PAK2: variants seen among roughly 807,000 people sequenced by gnomAD.
PAK2 encodes serine/threonine-protein kinase PAK 2.
Under a neutral mutation model 65.9 loss-of-function variants are expected in PAK2, and 21 were observed. The observed-to-expected ratio is 0.32, with a 90% confidence interval of 0.23 to 0.46. PAK2 has a LOEUF of 0.46. Among genes scored for constraint, PAK2 ranks in the 20% least tolerant of loss-of-function variants. The probability of loss-of-function intolerance (pLI) is 1.00; values close to 1 mark genes in which losing one functional copy is unlikely to be tolerated. For missense variants in PAK2, 324 were observed against 642.6 expected, an observed-to-expected ratio of 0.50 and a Z score of 5.36; for synonymous variants, 204 against 219.7, an observed-to-expected ratio of 0.93 and a Z score of 0.63.
At chr3:196,811,712 T>C (rs1309694262) in intron 8 of PAK2, among the ~76,000 whole-genome samples, 4 of 152,024 alleles carry the variant, frequency 2.6e-5, no homozygotes, top group African/African-American at 9.7e-5. Context: ...CAGAATAATA[T>C]GTGAAATGAA....
chr3:196,789,088 GT>G (rs369722236), intron 2 of PAK2, among the ~76,000 whole-genome samples: 3 of 152,324 alleles, frequency 2.0e-5, no homozygotes, highest in African/African-American at 7.2e-5. Flanking sequence ...TAGAAAAAAG[GT>G]TTTGTTCGAA....
At chr3:196,789,466 A>C (rs935204114) in intron 2 of PAK2, among the ~76,000 whole-genome samples, 1 of 135,918 alleles carries the variant, frequency 7.4e-6, no homozygotes, top group Non-Finnish European at 1.6e-5. Context: ...TTCATGGAAA[A>C]CAATTTTTCT....
At position 196,777,973 on chromosome 3, in the gene PAK2, C is replaced by G. The variant is rs776879556; in HGVS notation, c.-21-4653C>G. Among the ~76,000 whole-genome samples the G allele has an allele frequency of 5.3e-5, 8 of 152,206 alleles. No individual in the cohort carries two copies. In the East Asian group the frequency reaches 1.3e-3, roughly 26 times the overall value. ...TGTATTCACAGGGCTGTGCAGCCAT[C>G]TCCACTGTCTTCATACCGGAACATT... On this transcript the variant is annotated intron_variant, in intron 1 of 14. Coordinates refer to ENST00000327134, the MANE Select transcript of PAK2 (RefSeq NM_002577.4).
In PAK2 at chr3:196,759,281, C is replaced by T. The variant is rs140548121; in HGVS notation, c.-22+19124C>T. ...TCTTCTTTTTGCATTGCCCTGGGAG[C>T]CTCTGGCATATTCTTCAGAGTTTCT... is the stretch of plus-strand genomic sequence containing the variant. On this transcript the variant is annotated intron_variant, in intron 1 of 14. Transcript: ENST00000327134. Among the ~76,000 whole-genome samples the T allele has an allele frequency of 3.2e-4, 48 of 152,180 alleles. 1 individual carries two copies. In the East Asian group the frequency reaches 7.9e-3, roughly 25 times the overall value.
At chr3:196,788,287 C>T (rs1714960996) in intron 2 of PAK2, among the ~76,000 whole-genome samples, 1 of 152,094 alleles carries the variant, frequency 6.6e-6, no homozygotes, top group South Asian at 2.1e-4. Flanking sequence ...AGACTTTTGC[C>T]ATCTCTAATG....
chr3:196,772,140 G>A (rs1316171554), intron 1 of PAK2, among the ~76,000 whole-genome samples: 1 of 152,046 alleles, frequency 6.6e-6, no homozygotes, highest in Non-Finnish European at 1.5e-5. Context: ...AATGCTAAAG[G>A]TTCTCTTGTT....
At chr3:196,773,151 A>C (rs565696822) in intron 1 of PAK2, among the ~76,000 whole-genome samples, 1 of 152,296 alleles carries the variant, frequency 6.6e-6, no homozygotes, top group Non-Finnish European at 1.5e-5. Context: ...GCCTCTTAGA[A>C]GAGTACAGTG....
chr3:196,806,256 A>G (rs1014329188), intron 5 of PAK2, among the ~76,000 whole-genome samples: 2 of 152,152 alleles, frequency 1.3e-5, no homozygotes, highest in African/African-American at 4.8e-5. Context: ...CTGACATAAC[A>G]AAGCCCAGAG....
intron 1 of PAK2, among the ~76,000 whole-genome samples, chr3:196,740,554 C>T (rs1203437114): frequency 6.6e-6 from 1 of 152,118 alleles, no homozygotes; most frequent in Non-Finnish European, 1.5e-5. Context: ...TTGATTTTTC[C>T]TCTCACTGAT....
rs1001485348 is a variant in PAK2 at position 196,812,407 on chromosome 3, T to C, written c.822+140T>C. The C allele has an allele frequency of 4.7e-5, 31 of 656,850 alleles. No homozygotes were observed. In the East Asian group the frequency reaches 8.0e-4, roughly 17 times the overall value. 40.7% of individuals were successfully genotyped at this position (656,850 alleles called of 1,614,324 possible). A position where few individuals can be genotyped will look rare whatever the true frequency, so the allele number is the denominator to read the frequency against. ...ATCGCTCTACGTATGTTTATAGCAC[T>C]TCTGTCAGTAAGGCGGGGAAGGACT... On this transcript the variant is annotated intron_variant, in intron 9 of 14. Transcript: ENST00000327134.
At chr3:196,826,490 GT>G (rs1193984603) in intron 13 of PAK2, among the ~76,000 whole-genome samples, 2 of 150,318 alleles carry the variant, frequency 1.3e-5, no homozygotes, top group African/African-American at 4.9e-5. Context: ...TTTTTGTTTT[GT>G]TTTTTGTTTT....
At chr3:196,802,514 C>G (rs973178017) in intron 3 of PAK2, among the ~76,000 whole-genome samples, 12 of 151,948 alleles carry the variant, frequency 7.9e-5, no homozygotes, top group Admixed American at 6.6e-4. Flanking sequence ...GAGAGCAGAG[C>G]CTATTAATTA....
chr3:196,750,397 G>A (rs1713534987), intron 1 of PAK2, among the ~76,000 whole-genome samples: 1 of 152,022 alleles, frequency 6.6e-6, no homozygotes, highest in Non-Finnish European at 1.5e-5. Flanking sequence ...TGTGGTTTAA[G>A]TTCTCATTCT....
intron 1 of PAK2, among the ~76,000 whole-genome samples, chr3:196,756,165 G>A (rs573158032): frequency 3.3e-5 from 5 of 152,028 alleles, no homozygotes; most frequent in African/African-American, 1.2e-4. Context: ...CTTCCTTTAC[G>A]CTTTGTCATT....
At chr3:196,805,098 A>G (rs186408256) in intron 4 of PAK2, among the ~76,000 whole-genome samples, 6 of 152,204 alleles carry the variant, frequency 3.9e-5, no homozygotes, top group African/African-American at 1.4e-4. Context: ...TTTACATGCA[A>G]TACAATTCAC....
chr3:196,808,029 T>G (rs141931038), intron 7 of PAK2, 115 bp downstream of exon 7: 9 of 984,532 alleles, frequency 9.1e-6, no homozygotes, highest in Non-Finnish European at 1.3e-5. Flanking sequence ...AAGAATAAAT[T>G]GTTTCCTTAT....
chr3:196,812,798 G>A lies in PAK2; in HGVS notation c.882G>A (p.Glu294=), dbSNP rs1349590404. 1.9e-6 allele frequency: 3 copies of A among 1,581,864 alleles called. No individual in the cohort carries two copies. The African/African-American group carries it at 4.0e-5, about 21-fold the overall frequency. The change falls in exon 10 of 15, where the codon GAG becomes GAA. Residue 294 remains glutamate, a synonymous_variant. Transcript: ENST00000327134. ...KQPKKELIIN[E]ILVMKELKNP... ...CAAAGAAGGAACTGATCATTAACGA[G>A]ATTCTGGTGATGAAAGAATTGAAAA...
chr3:196,801,690 G>A lies in PAK2; in HGVS notation c.188-237G>A, dbSNP rs1168445698. On this transcript the variant is annotated intron_variant, in intron 2 of 14. Coordinates refer to ENST00000327134, the MANE Select transcript of PAK2 (RefSeq NM_002577.4). ...TCTACTAAAAATACAAAAATTAGCC[G>A]GGCATGGTGGTGGGCACCTGTAATC... Among the ~76,000 whole-genome samples, 5 of 151,826 alleles carry A rather than the reference G, an allele frequency of 3.3e-5. 1 individual carries two copies. The highest frequency in any genetic ancestry group is 7.3e-5 in the African/African-American group (3 of 41,304).
intron 1 of PAK2, among the ~76,000 whole-genome samples, chr3:196,778,199 G>A (rs1357918115): frequency 1.3e-5 from 2 of 152,090 alleles, no homozygotes; most frequent in Non-Finnish European, 2.9e-5. Context: ...GTGTTCGAGG[G>A]TCATCCATGT....
Sources: gnomAD v4.1 joint callset for allele counts (sites outside exome capture counted in the v4.1 genomes callset) on GRCh38, gnomAD v4.1.1 for gene constraint, MANE v1.5 for transcripts, NCBI Gene and HGNC (gene_info 2026-07-23, HGNC 2026-07-21) for gene names.